The following PRKD1 variants were observed in gnomAD, a reference collection of about 807,000 sequenced individuals.
The protein encoded by PRKD1 is protein kinase D1.
A neutral mutation model predicts 95.9 loss-of-function variants in PRKD1; 63 were observed. The observed-to-expected ratio is 0.66, with a 90% CI of 0.54 to 0.81. PRKD1 has a LOEUF of 0.81. Among genes scored for constraint, PRKD1 ranks in the 30% least tolerant of loss-of-function variants. PRKD1 has a pLI of 0.00. For synonymous variants in PRKD1, 425 were observed against 423.1 expected, an observed-to-expected ratio of 1.00 and a Z score of -0.05; for missense variants, 1,048 against 1,165.3, an observed-to-expected ratio of 0.90 and a Z score of 1.47.
At chr14:29,598,833 A>G (rs552940266) in intron 15 of PRKD1, among the ~76,000 whole-genome samples, 194 bp downstream of exon 15, 3 of 152,352 alleles carry the variant, frequency 2.0e-5, no homozygotes, top group African/African-American at 7.2e-5. Flanking sequence ...ACTTTTGTGT[A>G]TAATTAAGGC....
rs543977502 is a variant in PRKD1, at chr14:29,604,234, G to A, written c.1906-4417C>T. 3.3e-5 allele frequency among the ~76,000 whole-genome samples: 5 copies of A among 152,056 alleles called. No homozygotes were observed. The South Asian group carries it at 1.0e-3, about 32-fold the overall frequency. On this transcript the variant is annotated intron_variant, in intron 13 of 17. Coordinates refer to ENST00000331968, the MANE Select transcript of PRKD1 (RefSeq NM_002742.3). ...ACTAATATTCTTTAAGTCTAACATT[G>A]TTGCTTTATTGTAAATCTAGAGTTT... is the stretch of plus-strand genomic sequence containing the variant.
intron 1 of PRKD1, among the ~76,000 whole-genome samples, chr14:29,733,409 A>G (rs1886555428): frequency 6.6e-6 from 1 of 152,094 alleles, no homozygotes; most frequent in African/African-American, 2.4e-5. Flanking sequence ...CAGTTCACTG[A>G]TATTTTCTAC....
intron 1 of PRKD1, among the ~76,000 whole-genome samples, chr14:29,778,956 A>C (rs1373970939): frequency 6.6e-6 from 1 of 152,232 alleles, no homozygotes; most frequent in Admixed American, 6.5e-5. Flanking sequence ...AGTGAGATTC[A>C]TCCCTGGGAA....
chr14:29,656,411 G>T (rs9989169), intron 4 of PRKD1: 12 of 1,418,794 alleles, frequency 8.5e-6, no homozygotes, highest in East Asian at 2.5e-5. Context: ...TGATGTCAGC[G>T]TAATATGCTG....
chr14:29,792,063 T>C (rs1489483331), intron 1 of PRKD1, among the ~76,000 whole-genome samples: 1 of 152,272 alleles, frequency 6.6e-6, no homozygotes, highest in East Asian at 1.9e-4. Context: ...TTTCTCACTC[T>C]ATAAAAATGA....
At chr14:29,663,674 G>T (rs2333616) in intron 4 of PRKD1, 25 bp downstream of exon 4, 14 of 1,607,962 alleles carry the variant, frequency 8.7e-6, no homozygotes, top group Admixed American at 5.0e-5. Flanking sequence ...TGTAAATGGG[G>T]AAGTGGGTAA....
At position 29,675,985 on chromosome 14, in the gene PRKD1, G is replaced by T. The variant is rs1416103845; in HGVS notation, c.404-9777C>A. ...CACACATCGGGGCCTGTCGTGGGGTGGGGGGTGGGGGGAGGGATAACATTA... is the reference window on the plus strand; with the variant it reads ...CACACATCGGGGCCTGTCGTGGGGTTGGGGGTGGGGGGAGGGATAACATTA... On this transcript the variant is annotated intron_variant, in intron 2 of 17. Coordinates refer to ENST00000331968, the MANE Select transcript of PRKD1 (RefSeq NM_002742.3). Among the ~76,000 whole-genome samples, 235 of 123,486 alleles carry T rather than the reference G, an allele frequency of 1.9e-3. 2 individuals are homozygous for T. The highest frequency in any genetic ancestry group is 6.6e-3 in the African/African-American group (222 of 33,762). The allele number at this position is 123,486 out of a possible 152,430, so 81.0% of individuals were successfully genotyped here.
At chr14:29,696,411 A>C (rs1327561913) in intron 2 of PRKD1, among the ~76,000 whole-genome samples, 1 of 152,214 alleles carries the variant, frequency 6.6e-6, no homozygotes, top group African/African-American at 2.4e-5. Context: ...CCCAAATTTG[A>C]AATATCATTT....
chr14:29,734,015 C>T (rs1260914119), intron 1 of PRKD1, among the ~76,000 whole-genome samples: 1 of 132,512 alleles, frequency 7.5e-6, no homozygotes, highest in East Asian at 2.1e-4. Context: ...GGTTTTGAGT[C>T]ATACTTTCCT....
intron 1 of PRKD1, among the ~76,000 whole-genome samples, chr14:29,925,977 G>C (rs906861479): frequency 6.6e-5 from 10 of 152,120 alleles, no homozygotes; most frequent in African/African-American, 2.4e-4. Context: ...ATCAGCATTA[G>C]ACAAAACGTG....
intron 9 of PRKD1, among the ~76,000 whole-genome samples, chr14:29,631,804 A>G (rs1472630366): frequency 7.2e-6 from 1 of 139,634 alleles, no homozygotes; most frequent in African/African-American, 2.6e-5. Flanking sequence ...CCTTTTATTT[A>G]TTTATTTTTA....
At chr14:29,889,665 CA>C (rs758557400) in intron 1 of PRKD1, among the ~76,000 whole-genome samples, 9 of 152,306 alleles carry the variant, frequency 5.9e-5, no homozygotes, top group Non-Finnish European at 1.2e-4. Context: ...TGCATGTTCT[CA>C]CTCATAAGTG....
At chr14:29,735,818 G>A (rs573638822) in intron 1 of PRKD1, among the ~76,000 whole-genome samples, 84 of 152,266 alleles carry the variant, frequency 5.5e-4, no homozygotes, top group Middle Eastern at 3.4e-3. Flanking sequence ...TGGTTAAAAT[G>A]TAATAAATAA....
At chr14:29,682,474 T>A (rs1883591437) in intron 2 of PRKD1, among the ~76,000 whole-genome samples, 1 of 152,210 alleles carries the variant, frequency 6.6e-6, no homozygotes, top group South Asian at 2.1e-4. Flanking sequence ...TTAGCTTATA[T>A]CCTTCATGTA....
Position 29,576,668 on chromosome 14 carries a change from G to A in PRKD1, c.*570C>T, listed in dbSNP as rs1437884731. 1 of 164,896 alleles carries A rather than the reference G, an allele frequency of 6.1e-6. No individual in the cohort carries two copies. Among genetic ancestry groups the A allele is most frequent in the Non-Finnish European group, 1.4e-5 (1 of 74,070 alleles). 10.2% of individuals were successfully genotyped at this position (164,896 alleles called of 1,614,324 possible). On this transcript the variant is annotated 3_prime_UTR_variant, in exon 18 of 18. Transcript: ENST00000331968. ...CTTGCACAGCTAGGTGCATTGTCTT[G>A]AGTTTAAATATACTGAGGCACACCA...
chr14:29,876,716 C>CAA (rs201219057), intron 1 of PRKD1, among the ~76,000 whole-genome samples: 19 of 140,610 alleles, frequency 1.4e-4, no homozygotes, highest in African/African-American at 5.3e-4. Context: ...CAAAAACAAA[C>CAA]AAACAAAAAA....
chr14:29,602,311 T>C (rs1180641761), intron 13 of PRKD1, among the ~76,000 whole-genome samples: 8 of 152,124 alleles, frequency 5.3e-5, no homozygotes, highest in Admixed American at 5.2e-4. Flanking sequence ...CTGCTGCTTC[T>C]GCTGATCTTA....
At chr14:29,582,433 AC>A (rs1353158391) in intron 16 of PRKD1, among the ~76,000 whole-genome samples, 1 of 152,150 alleles carries the variant, frequency 6.6e-6, no homozygotes, top group Non-Finnish European at 1.5e-5. Flanking sequence ...TGTCTTAAAT[AC>A]CTTGGTATCT....
chr14:29,618,549 C>T (rs999156041), intron 13 of PRKD1, among the ~76,000 whole-genome samples: 1 of 152,074 alleles, frequency 6.6e-6, no homozygotes, highest in African/African-American at 2.4e-5. Flanking sequence ...AGCCAGCACA[C>T]CTGGCCAATA....
Sources: gnomAD v4.1 joint callset for allele counts (sites outside exome capture counted in the v4.1 genomes callset) on GRCh38, gnomAD v4.1.1 for gene constraint, MANE v1.5 for transcripts, NCBI Gene and HGNC (gene_info 2026-07-23, HGNC 2026-07-21) for gene names.